MPST: variants seen among roughly 807,000 people sequenced by gnomAD.
MPST encodes 3-mercaptopyruvate sulfurtransferase.
MPST carries 27 observed loss-of-function variants against 28.5 expected under a neutral mutation model. That is an observed-to-expected ratio of 0.95 (90% CI 0.70 to 1.31). MPST has a LOEUF of 1.31. MPST is among the 50% of genes most tolerant of loss of function. The pLI, the probability that MPST is intolerant of heterozygous loss-of-function variation, is 0.00. For missense variants in MPST, 492 were observed against 471.1 expected (o/e 1.04, Z -0.41); for synonymous variants, 204 against 209.3 (o/e 0.97, Z 0.22).
chr22:37,022,965 T>G (rs1052729456), intron 1 of MPST: 4 of 152,250 alleles, frequency 2.6e-5, no homozygotes, highest in Non-Finnish European at 5.9e-5. Flanking sequence ...GGGCTTAAAG[T>G]GTTTGGGAAG....
In MPST at chr22:37,019,770, T is replaced by G. The variant is rs1922907175; in HGVS notation, c.-67T>G. 1.4e-6 allele frequency: 1 copy of G among 721,090 alleles called. No individual in the cohort carries two copies. Among genetic ancestry groups the G allele is most frequent in the African/African-American group, 1.8e-5 (1 of 54,774 alleles). 44.7% of individuals were successfully genotyped at this position (721,090 alleles called of 1,614,324 possible). On this transcript the variant is annotated 5_prime_UTR_variant, in exon 1 of 3. Transcript: ENST00000429360. ...CCGGAGTCTCCTCCCTTTGGTCCGCTGCAGGTTGGTGGCGGGAGGAGGGGA... is the reference window on the plus strand; with the variant it reads ...CCGGAGTCTCCTCCCTTTGGTCCGCGGCAGGTTGGTGGCGGGAGGAGGGGA...
intron 2 of MPST, 112 bp downstream of exon 2, chr22:37,024,922 C>T (rs888420884): frequency 4.2e-5 from 64 of 1,541,136 alleles, no homozygotes; most frequent in Middle Eastern, 1.8e-4. Context: ...GCTTTCATTT[C>T]CTTTCCTTTT....
At chr22:37,021,762 C>T (rs1179400014) in intron 1 of MPST, among the ~76,000 whole-genome samples, 5 of 152,240 alleles carry the variant, frequency 3.3e-5, no homozygotes, top group South Asian at 2.1e-4. Context: ...TGAGCCACCA[C>T]GCCCGACCTA....
chr22:37,021,080 A>G (rs1923034232), intron 1 of MPST, among the ~76,000 whole-genome samples: 1 of 151,992 alleles, frequency 6.6e-6, no homozygotes. Flanking sequence ...GTCCAAGAGG[A>G]GCTCCCAAGC....
Position 37,019,828 on chromosome 22 carries a change from G to T in MPST, c.-9G>T. 1 of 1,203,780 alleles carries T rather than the reference G, an allele frequency of 8.3e-7. No homozygotes were observed. The highest frequency in any genetic ancestry group is 1.0e-6 in the Non-Finnish European group (1 of 961,342). The allele number at this position is 1,203,780 out of a possible 1,614,324, so 74.6% of individuals were successfully genotyped here. On this transcript the variant is annotated 5_prime_UTR_variant, in exon 1 of 3. Transcript: ENST00000429360. ...GGGCGCGGGGAGGGGGCGCCGCGCC[G>T]CGGGGGCCATGGCGGAGCCAGGAAG...
chr22:37,023,805 G>A, intron 1 of MPST: 1 of 1,227,698 alleles, frequency 8.1e-7, no homozygotes, highest in Non-Finnish European at 1.0e-6. Flanking sequence ...CTGGGACTTG[G>A]TTGCAAATAA....
chr22:37,024,763 C>T lies in MPST; in HGVS notation c.608C>T (p.Ser203Phe). 2 of 1,601,754 alleles carry T rather than the reference C, an allele frequency of 1.2e-6. No homozygotes were observed. Among genetic ancestry groups the T allele is most frequent in the Non-Finnish European group, 1.7e-6 (2 of 1,179,624 alleles). ...LESRRFQVVD[S>F]RATGRFRGTE... ...TCCCGGCGCTTCCAGGTGGTGGACT[C>T]CCGAGCCACTGGCAGGTTCCGCGGC... is the stretch of plus-strand genomic sequence containing the variant. Residue 203 changes from serine (S) to phenylalanine (F), a missense_variant, in exon 2 of 3, where the codon TCC becomes TTC. Ser to Phe is a radical substitution (Grantham distance 155). Coordinates refer to ENST00000429360, the MANE Select transcript of MPST (RefSeq NM_021126.8).
intron 2 of MPST, chr22:37,025,150 C>T (rs1301437854): frequency 7.3e-7 from 1 of 1,363,740 alleles, no homozygotes; most frequent in Non-Finnish European, 9.6e-7. Context: ...ATTTGACTTC[C>T]ACTTGCCTCG....
Position 37,019,772 on chromosome 22 carries a change from C to T in MPST, c.-65C>T. On this transcript the variant is annotated 5_prime_UTR_variant, in exon 1 of 3. Transcript: ENST00000429360. ...GGAGTCTCCTCCCTTTGGTCCGCTG[C>T]AGGTTGGTGGCGGGAGGAGGGGACA... 1.4e-6 allele frequency: 1 copy of T among 734,624 alleles called. No individual in the cohort carries two copies. The highest frequency in any genetic ancestry group is 1.9e-6 in the Non-Finnish European group (1 of 533,786). The allele number at this position is 734,624 out of a possible 1,614,324, so 45.5% of individuals were successfully genotyped here. A position where few individuals can be genotyped will look rare whatever the true frequency, so the allele number is the denominator to read the frequency against.
At chr22:37,024,959 C>A in intron 2 of MPST, 149 bp downstream of exon 2, 1 of 1,508,466 alleles carries the variant, frequency 6.6e-7, no homozygotes. Context: ...CCTTTCCCTT[C>A]CCTCCTTTCC....
chr22:37,022,760 C>T (rs920351100), intron 1 of MPST, among the ~76,000 whole-genome samples: 2 of 152,264 alleles, frequency 1.3e-5, no homozygotes, highest in African/African-American at 4.8e-5. Context: ...TTGTTCTCTA[C>T]CTGCCCCCTT....
intron 2 of MPST, 87 bp downstream of exon 2, chr22:37,024,897 T>A: frequency 1.9e-6 from 3 of 1,550,656 alleles, no homozygotes; most frequent in Non-Finnish European, 2.6e-6. Flanking sequence ...TTCTTTTATT[T>A]TTTTAATTTA....
At chr22:37,024,875 T>A in intron 2 of MPST, 65 bp downstream of exon 2, 1 of 1,568,200 alleles carries the variant, frequency 6.4e-7, no homozygotes, top group South Asian at 1.2e-5. Flanking sequence ...AGCAGTGCCC[T>A]GGACTTGACC....
chr22:37,022,209 C>T (rs1923128567), intron 1 of MPST, among the ~76,000 whole-genome samples: 1 of 152,098 alleles, frequency 6.6e-6, no homozygotes, highest in Admixed American at 6.5e-5. Flanking sequence ...AGCCTCCCTA[C>T]CCTAAAGACC....
At chr22:37,025,630 G>A in intron 2 of MPST, 1 of 155,566 alleles carries the variant, frequency 6.4e-6, no homozygotes, top group Non-Finnish European at 1.4e-5. Context: ...CGTGTAAGTA[G>A]ATACTGTCAT....
chr22:37,022,989 AGGCTGTGGGCTGGCCT>A (rs1360108550), intron 1 of MPST: 1 of 152,514 alleles, frequency 6.6e-6, no homozygotes. Context: ...ACACCCAGGA[AGGCTGTGGGCTGGCCT>A]GGCATAGTGG....
At chr22:37,025,972 T>G (rs1031235763) in intron 2 of MPST, 9 of 152,228 alleles carry the variant, frequency 5.9e-5, no homozygotes, top group Non-Finnish European at 1.3e-4. Flanking sequence ...CCAGAGAGGT[T>G]TGGTGAATAC....
chr22:37,029,145 G>A, intron 2 of MPST, 71 bp from the exon 3 acceptor site: 1 of 1,406,476 alleles, frequency 7.1e-7, no homozygotes, highest in Non-Finnish European at 9.7e-7. Flanking sequence ...AATATCTCGA[G>A]CACCACAAAT....
intron 1 of MPST, 154 bp downstream of exon 1, chr22:37,020,026 TG>T (rs1922945286): frequency 1.2e-5 from 4 of 323,940 alleles, no homozygotes; most frequent in Non-Finnish European, 2.2e-5. Flanking sequence ...TAAGGGTGAC[TG>T]TCCGCTTGGG....
Sources: gnomAD v4.1 joint callset for allele counts (sites outside exome capture counted in the v4.1 genomes callset) on GRCh38, gnomAD v4.1.1 for gene constraint, MANE v1.5 for transcripts, NCBI Gene and HGNC (gene_info 2026-07-23, HGNC 2026-07-21) for gene names.